Variants in TENM2 observed in about 807,000 individuals in gnomAD.
The protein encoded by TENM2 is teneurin transmembrane protein 2.
TENM2 carries 52 observed loss-of-function variants against 245.2 expected under a neutral mutation model. The observed-to-expected ratio is 0.21, with a 90% CI of 0.17 to 0.27. The LOEUF is 0.27. Ranked by LOEUF, TENM2 falls within the 10% of genes least tolerant of loss-of-function variation. TENM2 has a pLI of 1.00. For missense variants in TENM2, 3,046 were observed against 3,666.8 expected, an observed-to-expected ratio of 0.83 and a Z score of 4.37; for synonymous variants, 1,363 against 1,438.9, an observed-to-expected ratio of 0.95 and a Z score of 1.19.
chr5:167,939,116 CT>C (rs776080744), intron 3 of TENM2, among the ~76,000 whole-genome samples: 17 of 152,154 alleles, frequency 1.1e-4, no homozygotes, highest in Non-Finnish European at 2.4e-4. Context: ...CTGCGCATGG[CT>C]TTTCTAGGCT....
At chr5:167,651,610 G>A (rs1231051980) in intron 2 of TENM2, among the ~76,000 whole-genome samples, 2 of 152,066 alleles carry the variant, frequency 1.3e-5, no homozygotes, top group Non-Finnish European at 2.9e-5. Context: ...CAAGTCTAAT[G>A]GTTAACTTAA....
chr5:166,990,370 T>C, the TENM2 span, among the ~76,000 whole-genome samples: 77,110 of 151,996 alleles, frequency 0.51, 20,538 homozygotes, highest in African/African-American at 0.68. Flanking sequence ...ACAAAATCAC[T>C]TTCAGTCCTT....
the TENM2 span, among the ~76,000 whole-genome samples, chr5:167,023,701 C>T: frequency 6.6e-6 from 1 of 152,120 alleles, no homozygotes; most frequent in Non-Finnish European, 1.5e-5. Context: ...GTTTTATGTA[C>T]TCTCAAGCAA....
At chr5:167,041,211 C>A in the TENM2 span, among the ~76,000 whole-genome samples, 1 of 152,174 alleles carries the variant, frequency 6.6e-6, no homozygotes, top group Non-Finnish European at 1.5e-5. Context: ...AGGTACTACA[C>A]AGTAATATGG....
At chr5:168,193,245 G>A (rs903850) in intron 14 of TENM2, among the ~76,000 whole-genome samples, 20,357 of 152,238 alleles carry the variant, frequency 0.13, 1,785 homozygotes, top group South Asian at 0.34. Flanking sequence ...TTCAGTAAGC[G>A]TGTGAATTCC....
chr5:167,698,627 T>C (rs976697621), intron 2 of TENM2, among the ~76,000 whole-genome samples: 4 of 151,896 alleles, frequency 2.6e-5, no homozygotes, highest in African/African-American at 9.7e-5. Flanking sequence ...GAACAGAGAA[T>C]GGCTTCCATA....
intron 2 of TENM2, among the ~76,000 whole-genome samples, chr5:167,536,220 CA>C (rs1338611396): frequency 6.6e-6 from 1 of 151,906 alleles, no homozygotes; most frequent in Non-Finnish European, 1.5e-5. Context: ...CTATAATATA[CA>C]AAATTTTTAT....
chr5:167,953,659 C>T (rs1282653758), intron 4 of TENM2, among the ~76,000 whole-genome samples: 1 of 152,148 alleles, frequency 6.6e-6, no homozygotes, highest in East Asian at 1.9e-4. Context: ...CTATTGTTTC[C>T]TTGTCTAGAA....
intron 23 of TENM2, among the ~76,000 whole-genome samples, chr5:168,222,541 T>G (rs1335780599): frequency 6.6e-6 from 1 of 152,180 alleles, no homozygotes; most frequent in Non-Finnish European, 1.5e-5. Context: ...ATGGGCCCCT[T>G]TAAAAGTTGC....
At chr5:167,605,505 G>C (rs573432066) in intron 2 of TENM2, among the ~76,000 whole-genome samples, 6 of 152,330 alleles carry the variant, frequency 3.9e-5, no homozygotes, top group African/African-American at 1.4e-4. Context: ...TAGGTCCCCA[G>C]TGAGAAGTGT....
At chr5:167,435,659 TAACAGGCAGAGGCTGG>T (rs1198408589) in intron 2 of TENM2, among the ~76,000 whole-genome samples, 1 of 152,144 alleles carries the variant, frequency 6.6e-6, no homozygotes, top group Non-Finnish European at 1.5e-5. Context: ...TGGAACTGGG[TAACAGGCAGAGGCTGG>T]AACAGTTTGG....
chr5:167,285,183 A>G, intron 1 of TENM2, 120 bp downstream of exon 3: 1 of 714,252 alleles, frequency 1.4e-6, no homozygotes, highest in Non-Finnish European at 2.4e-6. Context: ...CCTACAGCAG[A>G]CCCTTGGTTC....
intron 13 of TENM2, chr5:168,187,070 C>T (rs1413727176): frequency 1.3e-5 from 2 of 152,138 alleles, no homozygotes; most frequent in Admixed American, 1.3e-4. Context: ...CGGGTAGAAC[C>T]CCAAATGCAC....
intron 3 of TENM2, among the ~76,000 whole-genome samples, chr5:167,885,757 C>T (rs1454548873): frequency 6.6e-6 from 1 of 152,174 alleles, no homozygotes; most frequent in Non-Finnish European, 1.5e-5. Flanking sequence ...GGTCTTGGCT[C>T]ACTGCAACCT....
chr5:168,240,034 A>G (rs1332336938), intron 25 of TENM2, among the ~76,000 whole-genome samples: 1 of 152,186 alleles, frequency 6.6e-6, no homozygotes, highest in Non-Finnish European at 1.5e-5. Context: ...CCTGACCAAC[A>G]TGGCGAAACC....
At chr5:167,502,085 T>C (rs888077771) in intron 2 of TENM2, among the ~76,000 whole-genome samples, 7 of 152,200 alleles carry the variant, frequency 4.6e-5, no homozygotes, top group African/African-American at 1.7e-4. Context: ...GCTAGAAATA[T>C]TTCATTTTGA....
At chr5:167,672,654 C>T (rs1756034146) in intron 2 of TENM2, among the ~76,000 whole-genome samples, 1 of 152,050 alleles carries the variant, frequency 6.6e-6, no homozygotes, top group South Asian at 2.1e-4. Flanking sequence ...TAAAATAGAT[C>T]TGTGCGATCT....
At chr5:167,010,943 A>G in the TENM2 span, among the ~76,000 whole-genome samples, 1 of 152,308 alleles carries the variant, frequency 6.6e-6, no homozygotes, top group South Asian at 2.1e-4. Context: ...TATAGCCCCC[A>G]TATTTAACTA....
rs1403343870 is a variant in TENM2, at chr5:167,444,292, T to TACACACACAC, written c.502+68824_502+68825insCACACACACA. On this transcript the variant is annotated intron_variant, in intron 2 of 28. Coordinates refer to ENST00000518659, the Ensembl canonical transcript of TENM2. The stretch of plus-strand genomic sequence containing the variant: ...ATTTGCTTATGCACACATGCACACA[T>TACACACACAC]ACACATACACACACACACACACACA... Among the ~76,000 whole-genome samples, 6 of 47,330 alleles carry TACACACACAC rather than the reference T, an allele frequency of 1.3e-4. No individual in the cohort carries two copies. In the East Asian group the frequency reaches 6.1e-3, roughly 48 times the overall value. 31.1% of individuals were successfully genotyped at this position (47,330 alleles called of 152,430 possible).
Sources: gnomAD v4.1 joint callset for allele counts (sites outside exome capture counted in the v4.1 genomes callset) on GRCh38, gnomAD v4.1.1 for gene constraint, MANE v1.5 for transcripts, NCBI Gene and HGNC (gene_info 2026-07-23, HGNC 2026-07-21) for gene names.